NAA30: variants seen among roughly 807,000 people sequenced by gnomAD.
NAA30 encodes the protein N-alpha-acetyltransferase 30.
Under a neutral mutation model 31.4 loss-of-function variants are expected in NAA30, and 5 were observed. That is an observed-to-expected ratio of 0.16 (90% CI 0.08 to 0.33). NAA30 has a LOEUF of 0.33. Ranked by LOEUF, NAA30 falls within the 10% of genes least tolerant of loss-of-function variation. The pLI is 1.00. For missense variants in NAA30, 428 were observed against 490.8 expected, an observed-to-expected ratio of 0.87 and a Z score of 1.21; for synonymous variants, 222 against 207.1, an observed-to-expected ratio of 1.07 and a Z score of -0.62.
At position 57,409,561 on chromosome 14, in the gene NAA30, T is replaced by A; in HGVS notation, c.*45T>A. On this transcript the variant is annotated 3_prime_UTR_variant, in exon 5 of 5. Coordinates refer to ENST00000556492, the MANE Select transcript of NAA30 (RefSeq NM_001011713.3). ...AACTATCATCCGCACAGAATCGACCTTTGCATGCAATGCAATTTGTACAGA... is the reference window on the plus strand; with the variant it reads ...AACTATCATCCGCACAGAATCGACCATTGCATGCAATGCAATTTGTACAGA... 1.9e-6 allele frequency: 3 copies of A among 1,540,378 alleles called. No homozygotes were observed. Among genetic ancestry groups the A allele is most frequent in the Non-Finnish European group, 2.6e-6 (3 of 1,148,410 alleles).
rs1208311778 is a variant in NAA30, at chr14:57,414,519, T to A, written c.*5003T>A. 1 of 152,240 alleles carries A rather than the reference T, an allele frequency of 6.6e-6. No homozygotes were observed. The highest frequency in any genetic ancestry group is 2.4e-5 in the African/African-American group (1 of 41,462). The allele number at this position is 152,240 out of a possible 1,614,324, so 9.4% of individuals were successfully genotyped here. A position where few individuals can be genotyped will look rare whatever the true frequency, so the allele number is the denominator to read the frequency against. Reference sequence around the variant, plus strand: ...GTTGGCTCTAATAATTTCTCATTTTTGATGAATTTGAAATCATTTCACTTC... The same window carrying A: ...GTTGGCTCTAATAATTTCTCATTTTAGATGAATTTGAAATCATTTCACTTC... On this transcript the variant is annotated 3_prime_UTR_variant, in exon 5 of 5. Transcript: ENST00000556492.
At chr14:57,405,080 A>G (rs1594753014) in intron 4 of NAA30, among the ~76,000 whole-genome samples, 1 of 152,178 alleles carries the variant, frequency 6.6e-6, no homozygotes. Flanking sequence ...TTTCCCTGCA[A>G]CCTGATTTGC....
rs557046394 is a variant in NAA30, at chr14:57,391,161, G to A, written c.204G>A (p.Gly68=). 3 of 1,606,516 alleles carry A rather than the reference G, an allele frequency of 1.9e-6. No homozygotes were observed. In the East Asian group the frequency reaches 6.7e-5, roughly 36 times the overall value. ...AGTCGGCGACGGTGGCGGCCAAGGG[G>A]CATCCGTGCCTCCGCTGCCCTCAGC... ...GGESATVAAK[G]HPCLRCPQPP... is the part of the protein sequence containing the mutation. The change falls in exon 2 of 5, where the codon GGG becomes GGA. Residue 68 remains glycine, a synonymous_variant. Coordinates refer to ENST00000556492, the MANE Select transcript of NAA30 (RefSeq NM_001011713.3). The surrounding 1 kb of genome is among the most constrained non-coding windows in gnomAD (Gnocchi z 4.1).
chr14:57,394,962 A>G (rs1380370674), intron 2 of NAA30, among the ~76,000 whole-genome samples: 5 of 152,136 alleles, frequency 3.3e-5, no homozygotes, highest in Admixed American at 3.3e-4. Flanking sequence ...TTGGTCTGTG[A>G]TAATTTTATG....
intron 4 of NAA30, among the ~76,000 whole-genome samples, chr14:57,400,347 AC>A (rs1427317268): frequency 6.6e-6 from 1 of 152,202 alleles, no homozygotes; most frequent in African/African-American, 2.4e-5. Context: ...CTGCGCATTA[AC>A]ATAAGAGCAT....
chr14:57,396,309 T>A (rs1245569081), intron 2 of NAA30, among the ~76,000 whole-genome samples: 1 of 152,234 alleles, frequency 6.6e-6, no homozygotes. Flanking sequence ...TATTTAAATT[T>A]ACATTCTGCT....
At position 57,413,067 on chromosome 14, in the gene NAA30, T is replaced by A. The variant is rs1302532003; in HGVS notation, c.*3551T>A. 1 of 152,218 alleles carries A rather than the reference T, an allele frequency of 6.6e-6. No homozygotes were observed. The highest frequency in any genetic ancestry group is 1.5e-5 in the Non-Finnish European group (1 of 68,042). The allele number at this position is 152,218 out of a possible 1,614,324, so 9.4% of individuals were successfully genotyped here. On this transcript the variant is annotated 3_prime_UTR_variant, in exon 5 of 5. Transcript: ENST00000556492. ...ATAGCAGTTTATTTCTAAGACAGTTTTTATTTTAATTTACTTTTTTGTCTG... is the reference window on the plus strand; with the variant it reads ...ATAGCAGTTTATTTCTAAGACAGTTATTATTTTAATTTACTTTTTTGTCTG...
At chr14:57,400,316 A>G (rs2066469812) in intron 4 of NAA30, among the ~76,000 whole-genome samples, 1 of 152,210 alleles carries the variant, frequency 6.6e-6, no homozygotes, top group Non-Finnish European at 1.5e-5. Context: ...GAAGACAACC[A>G]CTTTTAAAGA....
intron 4 of NAA30, among the ~76,000 whole-genome samples, chr14:57,404,262 C>T (rs1209827729): frequency 6.6e-6 from 1 of 152,074 alleles, no homozygotes; most frequent in Non-Finnish European, 1.5e-5. Context: ...GTGGAGGTTG[C>T]AGTGAGCCGA....
rs1449609432 is a variant in NAA30 at position 57,413,443 on chromosome 14, A to G, written c.*3927A>G. ...AAATAAGAACCAGAAGGTTGATACC[A>G]TTTTTTCACACCAGTAAACACAGAT... On this transcript the variant is annotated 3_prime_UTR_variant, in exon 5 of 5. Transcript: ENST00000556492. The G allele has an allele frequency of 1.3e-5, 2 of 152,156 alleles. No individual in the cohort carries two copies. Among genetic ancestry groups the G allele is most frequent in the East Asian group, 3.8e-4 (2 of 5,198 alleles). 9.4% of individuals were successfully genotyped at this position (152,156 alleles called of 1,614,324 possible).
intron 2 of NAA30, among the ~76,000 whole-genome samples, chr14:57,394,678 A>G (rs2066443368): frequency 6.6e-6 from 1 of 152,196 alleles, no homozygotes; most frequent in African/African-American, 2.4e-5. Context: ...AATTAGGAAG[A>G]AATCAGGTCT....
chr14:57,394,824 G>A (rs778426135), intron 2 of NAA30, among the ~76,000 whole-genome samples: 2 of 152,032 alleles, frequency 1.3e-5, no homozygotes, highest in Non-Finnish European at 2.9e-5. Flanking sequence ...CCTCATTTTT[G>A]GATAGTTTTA....
intron 3 of NAA30, 101 bp from the exon 4 acceptor site, chr14:57,399,727 A>G (rs1476989130): frequency 9.4e-6 from 7 of 745,008 alleles, no homozygotes; most frequent in Admixed American, 2.4e-5. Context: ...GATTCAAGAT[A>G]GAAACTAGCA....
At chr14:57,409,247 T>C in intron 4 of NAA30, 132 bp from the exon 5 acceptor site, 7 of 747,026 alleles carry the variant, frequency 9.4e-6, no homozygotes, top group Non-Finnish European at 1.5e-5. Context: ...TTTGAGTTCT[T>C]TCTGTATATT....
Position 57,391,415 on chromosome 14 carries a change from C to G in NAA30, c.458C>G (p.Pro153Arg). Residue 153 changes from proline (P) to arginine (R), a missense_variant, in exon 2 of 5, where the codon CCG becomes CGG. Pro to Arg is a moderately radical substitution (Grantham distance 103, BLOSUM62 -2). This residue lies in a region of NAA30 where 349 missense variants were observed against 310.4 expected (regional missense o/e 1.12). Coordinates refer to ENST00000556492, the MANE Select transcript of NAA30 (RefSeq NM_001011713.3). The surrounding 1 kb of genome is among the most constrained non-coding windows in gnomAD (Gnocchi z 4.1). ...AATGCAAGAACTGCGGTCCCCAGCCCGGTGGAGGCAGCGGCGGCGAGCGAT... is the reference window on the plus strand; with the variant it reads ...AATGCAAGAACTGCGGTCCCCAGCCGGGTGGAGGCAGCGGCGGCGAGCGAT... ...SSNARTAVPS[P>R]VEAAAASDPA... 6.2e-7 allele frequency: 1 copy of G among 1,607,462 alleles called. No homozygotes were observed. The highest frequency in any genetic ancestry group is 2.2e-5 in the East Asian group (1 of 44,676).
Position 57,415,232 on chromosome 14 carries a change from C to T in NAA30, c.*5716C>T, listed in dbSNP as rs959267356. The T allele has an allele frequency of 2.6e-5, 4 of 152,104 alleles. No individual in the cohort carries two copies. The highest frequency in any genetic ancestry group is 9.7e-5 in the African/African-American group (4 of 41,416). 9.4% of individuals were successfully genotyped at this position (152,104 alleles called of 1,614,324 possible). On this transcript the variant is annotated 3_prime_UTR_variant, in exon 5 of 5. Transcript: ENST00000556492. ...AAATCAATTTGAAATTTCTTAAAAA[C>T]GTTTATAAGACTTTTCTGGTCTCCT...
intron 4 of NAA30, 26 bp downstream of exon 4, chr14:57,399,909 T>A: frequency 9.3e-7 from 1 of 1,073,220 alleles, no homozygotes. Flanking sequence ...TGTTTAATAT[T>A]TTTTATCTGG....
intron 4 of NAA30, among the ~76,000 whole-genome samples, chr14:57,405,694 G>A (rs894187235): frequency 2.6e-5 from 4 of 152,234 alleles, no homozygotes; most frequent in East Asian, 3.9e-4. Context: ...TTAAAGATAC[G>A]TTGTGAAGAG....
At chr14:57,409,291 TG>T in intron 4 of NAA30, 87 bp from the exon 5 acceptor site, 1 of 1,022,308 alleles carries the variant, frequency 9.8e-7, no homozygotes, top group Non-Finnish European at 1.4e-6. Context: ...TTTAAAATAA[TG>T]TATGATTTTT....
Sources: allele counts gnomAD v4.1 joint callset (sites outside exome capture counted in the v4.1 genomes callset), GRCh38; gene constraint gnomAD v4.1.1; regional missense constraint gnomAD v4.1.1; non-coding constraint Gnocchi (gnomAD v3.1); transcripts MANE v1.5; gene names NCBI Gene and HGNC (gene_info 2026-07-23, HGNC 2026-07-21).